The following APAF1 variants were observed in gnomAD, a reference collection of about 807,000 sequenced individuals.
APAF1 encodes apoptotic peptidase activating factor 1, also known as apoptotic protease-activating factor 1.
A neutral mutation model predicts 152.4 loss-of-function variants in APAF1; 91 were observed. The observed-to-expected ratio is 0.60, with a 90% CI of 0.50 to 0.71. The LOEUF is 0.71. Ranked by LOEUF, APAF1 falls within the 30% of genes least tolerant of loss-of-function variation. APAF1 has a pLI of 0.00. For synonymous variants in APAF1, 484 were observed against 494.1 expected (o/e 0.98, Z 0.27); for missense variants, 1,283 against 1,472.0 (o/e 0.87, Z 2.10).
intron 16 of APAF1, among the ~76,000 whole-genome samples, chr12:98,693,626 T>C (rs1468628876): frequency 6.6e-6 from 1 of 152,186 alleles, no homozygotes. Flanking sequence ...AGGCATTTTA[T>C]AAGTCTTTTC....
intron 26 of APAF1, among the ~76,000 whole-genome samples, 169 bp from the exon 27 acceptor site, chr12:98,732,245 CAGGAAG>C (rs2097763314): frequency 6.6e-6 from 1 of 152,174 alleles, no homozygotes; most frequent in Admixed American, 6.5e-5. Context: ...CAGTGTTCAT[CAGGAAG>C]AGGCTGACCA....
chr12:98,700,165 C>T (rs964548078), intron 17 of APAF1, among the ~76,000 whole-genome samples: 13 of 152,272 alleles, frequency 8.5e-5, no homozygotes, highest in Middle Eastern at 3.4e-3. Context: ...AGTGCCCTCA[C>T]ATATAATTTC....
intron 17 of APAF1, among the ~76,000 whole-genome samples, chr12:98,701,081 T>A (rs1314930054): frequency 1.3e-5 from 2 of 152,200 alleles, no homozygotes; most frequent in Non-Finnish European, 2.9e-5. Context: ...ATATTCCTCT[T>A]CAGAAAACTT....
At chr12:98,700,018 C>A (rs2097713708) in intron 17 of APAF1, among the ~76,000 whole-genome samples, 1 of 152,062 alleles carries the variant, frequency 6.6e-6, no homozygotes, top group Admixed American at 6.5e-5. Flanking sequence ...ATGACTCTGA[C>A]AGAAATGCTC....
intron 25 of APAF1, 81 bp from the exon 26 acceptor site, chr12:98,727,092 A>G: frequency 7.8e-7 from 1 of 1,284,776 alleles, no homozygotes; most frequent in Non-Finnish European, 1.1e-6. Context: ...TAGAATACAT[A>G]TATATGGACA....
At chr12:98,669,701 A>G (rs2097677661) in intron 10 of APAF1, among the ~76,000 whole-genome samples, 1 of 152,148 alleles carries the variant, frequency 6.6e-6, no homozygotes. Context: ...TTTTCTTAGG[A>G]TACTTTTTTA....
At chr12:98,726,520 G>C (rs2097750864) in intron 25 of APAF1, 1 of 153,690 alleles carries the variant, frequency 6.5e-6, no homozygotes, top group South Asian at 2.0e-4. Flanking sequence ...TTATCAGATG[G>C]GCTTTCCAGG....
At chr12:98,665,278 A>ATATATATATATATATATAT (rs1491316422) in intron 7 of APAF1, among the ~76,000 whole-genome samples, 35 of 65,982 alleles carry the variant, frequency 5.3e-4, no homozygotes, top group Non-Finnish European at 9.4e-4. Context: ...ATATATATAT[A>ATATATATATATATATATAT]TTTTTTTTTT....
intron 22 of APAF1, among the ~76,000 whole-genome samples, chr12:98,717,290 A>T (rs536109059): frequency 6.6e-6 from 1 of 151,812 alleles, no homozygotes; most frequent in African/African-American, 2.4e-5. Flanking sequence ...AGAATATTTT[A>T]TCTCTCTGAG....
chr12:98,665,278 A>T (rs11109563), intron 7 of APAF1, among the ~76,000 whole-genome samples: 3,896 of 65,644 alleles, frequency 0.059, 188 homozygotes, highest in African/African-American at 0.14. Context: ...ATATATATAT[A>T]TTTTTTTTTT....
chr12:98,719,511 G>A (rs531045703), intron 22 of APAF1, among the ~76,000 whole-genome samples: 1 of 151,374 alleles, frequency 6.6e-6, no homozygotes, highest in South Asian at 2.1e-4. Context: ...CACCATTTCC[G>A]GCTAATTTTT....
chr12:98,685,340 CTT>C (rs1215086990), intron 15 of APAF1, among the ~76,000 whole-genome samples: 17 of 143,650 alleles, frequency 1.2e-4, no homozygotes, highest in Admixed American at 1.4e-4. Flanking sequence ...ATACCCCTCC[CTT>C]TTTTTTTTTT....
intron 7 of APAF1, among the ~76,000 whole-genome samples, chr12:98,665,276 ATATTTTT>A (rs1404806983): frequency 1.1e-3 from 73 of 67,858 alleles, no homozygotes; most frequent in African/African-American, 3.8e-3. Context: ...ATATATATAT[ATATTTTT>A]TTTTTTTTTT....
At chr12:98,693,294 A>G (rs1262840736) in intron 16 of APAF1, among the ~76,000 whole-genome samples, 1 of 151,844 alleles carries the variant, frequency 6.6e-6, no homozygotes, top group Non-Finnish European at 1.5e-5. Context: ...AGGTCTTACT[A>G]CGTTGGCCAG....
intron 22 of APAF1, among the ~76,000 whole-genome samples, chr12:98,718,391 T>C (rs566885966): frequency 2.2e-4 from 33 of 152,106 alleles, no homozygotes; most frequent in Admixed American, 2.0e-3. Context: ...TGCCATCACA[T>C]GCAGCTAATT....
intron 15 of APAF1, among the ~76,000 whole-genome samples, chr12:98,685,215 T>A (rs1034099444): frequency 6.6e-6 from 1 of 152,258 alleles, no homozygotes; most frequent in African/African-American, 2.4e-5. Context: ...CCCTTTTATT[T>A]GCATTTTTTA....
rs1320545417 is a variant in APAF1, at chr12:98,727,206, T to C, written c.3490T>C (p.Leu1164=). The change falls in exon 26 of 27, where the codon TTG becomes CTG. Residue 1164 remains leucine (L), a synonymous_variant. Transcript: ENST00000551964. ...TGTCTCAAACGGTGAGCTTCTTCAT[T>C]TGTGTGCTCCGCTTTCAGAAGAAGG... ...WNVSNGELLH[L]CAPLSEEGAA... is the part of the protein sequence containing the mutation. 6.2e-7 allele frequency: 1 copy of C among 1,614,000 alleles called. No individual in the cohort carries two copies. The highest frequency in any genetic ancestry group is 1.3e-5 in the African/African-American group (1 of 74,916).
Position 98,671,095 on chromosome 12 carries a change from A to C in APAF1, c.1608+9A>C. On this transcript the variant is annotated intron_variant, in intron 11 of 26. Coordinates refer to ENST00000551964, the MANE Select transcript of APAF1 (RefSeq NM_181861.2). ...ATATACTAGATGAAAAGGTATATATATTAACATGAAAAATTAGTGCTAAAA... is the reference window on the plus strand; with the variant it reads ...ATATACTAGATGAAAAGGTATATATCTTAACATGAAAAATTAGTGCTAAAA... 1 of 1,489,794 alleles carries C rather than the reference A, an allele frequency of 6.7e-7. No individual in the cohort carries two copies. The highest frequency in any genetic ancestry group is 1.7e-5 in the Admixed American group (1 of 58,158). The allele number at this position is 1,489,794 out of a possible 1,614,324, so 92.3% of individuals were successfully genotyped here.
chr12:98,707,943 A>G (rs1392847301), intron 19 of APAF1, among the ~76,000 whole-genome samples: 1 of 152,106 alleles, frequency 6.6e-6, no homozygotes, highest in Non-Finnish European at 1.5e-5. Flanking sequence ...ACGTTCTGGT[A>G]CAAACTTCTT....
Sources: allele counts gnomAD v4.1 joint callset (sites outside exome capture counted in the v4.1 genomes callset), GRCh38; gene constraint gnomAD v4.1.1; transcripts MANE v1.5; gene names NCBI Gene and HGNC (gene_info 2026-07-23, HGNC 2026-07-21).